Variants in HS3ST1 observed in about 807,000 individuals in gnomAD.
HS3ST1 encodes the protein heparan sulfate-glucosamine 3-sulfotransferase 1, also known as heparan sulfate glucosamine 3-O-sulfotransferase 1.
A neutral mutation model predicts 20.7 loss-of-function variants in HS3ST1; 8 were observed. The ratio of observed to expected loss-of-function variants is 0.39; its 90% CI spans 0.23 to 0.70. HS3ST1 has a LOEUF of 0.70. Ranked by LOEUF, HS3ST1 falls within the 30% of genes least tolerant of loss-of-function variation. The pLI is 0.46. For synonymous variants in HS3ST1, 205 were observed against 190.4 expected, an observed-to-expected ratio of 1.08 and a Z score of -0.63; for missense variants, 436 against 423.4, an observed-to-expected ratio of 1.03 and a Z score of -0.26.
At chr4:11,420,713 C>G (rs1300233335) in intron 1 of HS3ST1, among the ~76,000 whole-genome samples, 1 of 152,158 alleles carries the variant, frequency 6.6e-6, no homozygotes, top group Admixed American at 6.5e-5. Flanking sequence ...GCCCAGAGTT[C>G]TGTTTTGCTC....
intron 1 of HS3ST1, among the ~76,000 whole-genome samples, chr4:11,406,316 C>T (rs1013019472): frequency 1.3e-5 from 2 of 152,116 alleles, no homozygotes; most frequent in Admixed American, 6.5e-5. Context: ...CAGGTAAATC[C>T]AAGCTAGAAT....
At chr4:11,409,676 A>T (rs1718566309) in intron 1 of HS3ST1, among the ~76,000 whole-genome samples, 1 of 152,246 alleles carries the variant, frequency 6.6e-6, no homozygotes, top group African/African-American at 2.4e-5. Flanking sequence ...ATTGCAAGGT[A>T]TTTGATGATA....
intron 1 of HS3ST1, among the ~76,000 whole-genome samples, chr4:11,419,882 T>A (rs1718883542): frequency 6.6e-6 from 1 of 152,240 alleles, no homozygotes; most frequent in Admixed American, 6.5e-5. Context: ...GTGCATGACA[T>A]AACTTATTAA....
upstream of HS3ST1, among the ~76,000 whole-genome samples, chr4:11,429,984 T>C (rs566966574): frequency 1.5e-4 from 23 of 152,262 alleles, no homozygotes; most frequent in Admixed American, 1.3e-3. Flanking sequence ...TCTTCCACAT[T>C]AGTAAATAAA....
intron 1 of HS3ST1, among the ~76,000 whole-genome samples, chr4:11,423,653 C>T (rs938370114): frequency 3.3e-5 from 5 of 152,194 alleles, no homozygotes; most frequent in Admixed American, 6.5e-5. Flanking sequence ...GAACAATATG[C>T]GGTACATGGC....
rs1718277992 is a variant in HS3ST1, at chr4:11,399,990, G to A, written c.16C>T (p.Leu6=). The stretch of plus-strand genomic sequence containing the variant: ...TGGGCCACCAGCAGCACCGCGCCCA[G>A]GAGCAGCGCGGCCATGCTGGACACC... MAALL[L]GAVLLVAQPQ... Residue 6 remains leucine (L), a synonymous_variant, in exon 2 of 2, where the codon CTG becomes TTG. Coordinates refer to ENST00000002596, the MANE Select transcript of HS3ST1 (RefSeq NM_005114.4). The surrounding 1 kb of genome is among the most constrained non-coding windows in gnomAD (Gnocchi z 5.1). 6.5e-7 allele frequency: 1 copy of A among 1,526,876 alleles called. No individual in the cohort carries two copies. Among genetic ancestry groups the A allele is most frequent in the African/African-American group, 1.4e-5 (1 of 73,010 alleles). 94.6% of individuals were successfully genotyped at this position (1,526,876 alleles called of 1,614,324 possible).
chr4:11,421,443 C>T (rs1047493194), intron 1 of HS3ST1, among the ~76,000 whole-genome samples: 1 of 152,220 alleles, frequency 6.6e-6, no homozygotes, highest in Non-Finnish European at 1.5e-5. Context: ...GCTCCCAGCC[C>T]ACTCTCATTC....
intron 1 of HS3ST1, among the ~76,000 whole-genome samples, chr4:11,421,697 C>G (rs1382126173): frequency 6.6e-6 from 1 of 152,156 alleles, no homozygotes. Context: ...AATAGAAGTT[C>G]TTGAGGGATG....
At position 11,398,688 on chromosome 4, in the gene HS3ST1, C is replaced by A. The variant is rs1718211714; in HGVS notation, c.*394G>T. The A allele has an allele frequency of 6.4e-6, 1 of 156,516 alleles. No individual in the cohort carries two copies. Among genetic ancestry groups the A allele is most frequent in the Non-Finnish European group, 1.4e-5 (1 of 71,334 alleles). The allele number at this position is 156,516 out of a possible 1,614,324, so 9.7% of individuals were successfully genotyped here. A position where few individuals can be genotyped will look rare whatever the true frequency, so the allele number is the denominator to read the frequency against. ...AGAGGATTGTAATAGCCATGAAAAA[C>A]ATGTTTTTTTAAGTAACAAAAGAAT... is the stretch of plus-strand genomic sequence containing the variant. On this transcript the variant is annotated 3_prime_UTR_variant, in exon 2 of 2. Coordinates refer to ENST00000002596, the MANE Select transcript of HS3ST1 (RefSeq NM_005114.4).
intron 1 of HS3ST1, among the ~76,000 whole-genome samples, chr4:11,416,643 C>T (rs1431088524): frequency 1.3e-5 from 2 of 152,188 alleles, no homozygotes; most frequent in Admixed American, 1.3e-4. Flanking sequence ...GGAGCAGGTA[C>T]TCTCCGGAGT....
intron 1 of HS3ST1, among the ~76,000 whole-genome samples, chr4:11,413,057 C>T (rs965697067): frequency 6.6e-6 from 1 of 152,126 alleles, no homozygotes; most frequent in African/African-American, 2.4e-5. Context: ...CACCAGAACC[C>T]AAGCATGCTG....
intron 1 of HS3ST1, among the ~76,000 whole-genome samples, chr4:11,425,369 T>A (rs11724878): frequency 0.26 from 40,160 of 152,002 alleles, 6,555 homozygotes; most frequent in East Asian, 0.46. Context: ...TCTCCTTTTT[T>A]AAAAAAATTA....
Position 11,400,060 on chromosome 4 carries a change from G to A in HS3ST1, c.-55C>T. ...GCGCGCCGCTGGGTCATGAAGTGCC[G>A]CAGCAGGGAAGCCTCCTAGTCAGTG... On this transcript the variant is annotated 5_prime_UTR_variant, in exon 2 of 2. Transcript: ENST00000002596. The A allele has an allele frequency of 7.0e-7, 1 of 1,438,288 alleles. No homozygotes were observed. 89.1% of individuals were successfully genotyped at this position (1,438,288 alleles called of 1,614,324 possible). A position where few individuals can be genotyped will look rare whatever the true frequency, so the allele number is the denominator to read the frequency against.
chr4:11,410,375 T>C (rs1462841270), intron 1 of HS3ST1, among the ~76,000 whole-genome samples: 1 of 152,144 alleles, frequency 6.6e-6, no homozygotes, highest in Non-Finnish European at 1.5e-5. Flanking sequence ...AAAGATCATG[T>C]TCGAACACAA....
intron 1 of HS3ST1, among the ~76,000 whole-genome samples, chr4:11,405,743 G>A (rs1718446828): frequency 6.6e-6 from 1 of 151,928 alleles, no homozygotes; most frequent in Non-Finnish European, 1.5e-5. Context: ...CATCACCTGA[G>A]AGCCTAGAAA....
At chr4:11,430,824 G>A (rs1409481044), upstream of HS3ST1, among the ~76,000 whole-genome samples, 2 of 152,200 alleles carry the variant, frequency 1.3e-5, no homozygotes, top group Admixed American at 6.5e-5. Flanking sequence ...ACAGGAATTT[G>A]AGGACTAACA....
chr4:11,417,451 G>A (rs948801264), intron 1 of HS3ST1, among the ~76,000 whole-genome samples: 4 of 152,164 alleles, frequency 2.6e-5, no homozygotes, highest in Non-Finnish European at 4.4e-5. Context: ...GTTAATAAAT[G>A]AGTGTATGAA....
At chr4:11,412,045 C>G (rs1266595847) in intron 1 of HS3ST1, among the ~76,000 whole-genome samples, 1 of 152,158 alleles carries the variant, frequency 6.6e-6, no homozygotes, top group East Asian at 1.9e-4. Flanking sequence ...ATAGAAAACT[C>G]CCACCAAATT....
chr4:11,399,711 C>A lies in HS3ST1; in HGVS notation c.295G>T (p.Gly99Cys). The change falls in exon 2 of 2, where the codon GGC becomes TGC. Residue 99 changes from glycine to cysteine, a missense_variant. Coordinates refer to ENST00000002596, the MANE Select transcript of HS3ST1 (RefSeq NM_005114.4). This position sits in a 1 kb window ranked among gnomAD's most constrained non-coding sequence, Gnocchi z 5.1. The stretch of plus-strand genomic sequence containing the variant: ...ATCTGGCTGAGGTACCAGCCCAAGC[C>A]GTGGCTGTAATGCTCCTCCCAGTCG... ...FFDWEEHYSH[G>C]LGWYLSQMPF... The A allele has an allele frequency of 6.2e-7, 1 of 1,613,916 alleles. No homozygotes were observed. Among genetic ancestry groups the A allele is most frequent in the Non-Finnish European group, 8.5e-7 (1 of 1,180,040 alleles).
Sources: gnomAD v4.1 joint callset for allele counts (sites outside exome capture counted in the v4.1 genomes callset) on GRCh38, gnomAD v4.1.1 for gene constraint, Gnocchi (gnomAD v3.1) non-coding constraint, MANE v1.5 for transcripts, NCBI Gene and HGNC (gene_info 2026-07-23, HGNC 2026-07-21) for gene names.